Variants in COL23A1 observed in about 807,000 individuals in gnomAD.
The protein encoded by COL23A1 is collagen alpha-1(XXIII) chain.
A neutral mutation model predicts 99.3 loss-of-function variants in COL23A1; 97 were observed. The ratio of observed to expected loss-of-function variants is 0.98; its 90% CI spans 0.83 to 1.16. The LOEUF is 1.16. Among genes scored for constraint, COL23A1 ranks in the 50% most tolerant of loss-of-function variants. COL23A1 has a pLI of 0.00. For missense variants in COL23A1, 762 were observed against 757.4 expected (o/e 1.01, Z -0.07); for synonymous variants, 320 against 308.2 (o/e 1.04, Z -0.40).
chr5:178,466,439 T>G (rs1756426844), intron 2 of COL23A1, among the ~76,000 whole-genome samples: 1 of 152,240 alleles, frequency 6.6e-6, no homozygotes, highest in Admixed American at 6.5e-5. Flanking sequence ...TAAGGCTTCC[T>G]AAGCTGGAAG....
At position 178,559,602 on chromosome 5, in the gene COL23A1, G is replaced by A. The variant is rs1413827219; in HGVS notation, c.361+1080C>T. Among the ~76,000 whole-genome samples the A allele has an allele frequency of 1.5e-4, 19 of 124,712 alleles. 2 individuals carry two copies. Among genetic ancestry groups the A allele is most frequent in the Admixed American group, 7.8e-4 (10 of 12,822 alleles). 81.8% of individuals were successfully genotyped at this position (124,712 alleles called of 152,430 possible). A position where few individuals can be genotyped will look rare whatever the true frequency, so the allele number is the denominator to read the frequency against. The stretch of plus-strand genomic sequence containing the variant: ...CAAAAGTCACCTTTCCCTGCAGGTC[G>A]AGAAGTCTGAGACACATCACCCAAA... On this transcript the variant is annotated intron_variant, in intron 2 of 28. Transcript: ENST00000390654.
At chr5:178,348,986 A>G (rs529461567) in intron 2 of COL23A1, among the ~76,000 whole-genome samples, 1 of 152,036 alleles carries the variant, frequency 6.6e-6, no homozygotes, top group African/African-American at 2.4e-5. Flanking sequence ...AGTGGGGTGA[A>G]CACATGTGCA....
At chr5:178,259,996 T>C (rs1163354435) in intron 11 of COL23A1, among the ~76,000 whole-genome samples, 2 of 152,168 alleles carry the variant, frequency 1.3e-5, no homozygotes, top group Non-Finnish European at 2.9e-5. Context: ...ACTCCTGCCG[T>C]CTCAGAGGGT....
intron 1 of COL23A1, among the ~76,000 whole-genome samples, chr5:178,576,962 G>C (rs947130014): frequency 3.3e-5 from 5 of 151,682 alleles, no homozygotes; most frequent in Admixed American, 1.3e-4. Context: ...GCTGCGCCCC[G>C]GCCCCAGCGC....
Position 178,276,515 on chromosome 5 carries a change from G to A in COL23A1, c.442-6152C>T, listed in dbSNP as rs550698847. Reference sequence around the variant, plus strand: ...AATTACAAGGCTGGTGGGGCCTGAGGTCCCAGCCTGGGAAGTGCACATTCC... The same window carrying A: ...AATTACAAGGCTGGTGGGGCCTGAGATCCCAGCCTGGGAAGTGCACATTCC... On this transcript the variant is annotated intron_variant, in intron 5 of 28. Coordinates refer to ENST00000390654, the MANE Select transcript of COL23A1 (RefSeq NM_173465.4). Among the ~76,000 whole-genome samples the A allele has an allele frequency of 1.2e-3, 180 of 152,278 alleles. 1 individual carries two copies. The highest frequency in any genetic ancestry group is 4.1e-3 in the African/African-American group (171 of 41,552).
chr5:178,485,073 A>T (rs1757544667), intron 2 of COL23A1, among the ~76,000 whole-genome samples: 1 of 152,240 alleles, frequency 6.6e-6, no homozygotes, highest in African/African-American at 2.4e-5. Flanking sequence ...TGAAATGTGT[A>T]AAAATGTACT....
intron 2 of COL23A1, among the ~76,000 whole-genome samples, chr5:178,332,254 G>A (rs1760072449): frequency 6.6e-6 from 1 of 152,152 alleles, no homozygotes; most frequent in Non-Finnish European, 1.5e-5. Context: ...CCACCTTCCA[G>A]CACTCACTGC....
intron 2 of COL23A1, among the ~76,000 whole-genome samples, chr5:178,444,907 G>A (rs768975081): frequency 1.3e-4 from 20 of 152,130 alleles, no homozygotes; most frequent in Non-Finnish European, 2.6e-4. Context: ...TAATACAGTA[G>A]CTTACCTCAT....
chr5:178,356,894 C>G (rs567924761), intron 2 of COL23A1, among the ~76,000 whole-genome samples: 2 of 152,144 alleles, frequency 1.3e-5, no homozygotes, highest in South Asian at 2.1e-4. Flanking sequence ...CTGAGCCTCT[C>G]CAACCCAGCA....
chr5:178,562,564 G>GAAAAAAAA (rs746935339), intron 1 of COL23A1: 2 of 115,660 alleles, frequency 1.7e-5, no homozygotes. Flanking sequence ...AATAAAAAAA[G>GAAAAAAAA]AAAAAAAAAA....
At chr5:178,413,139 T>C (rs750678265) in intron 2 of COL23A1, among the ~76,000 whole-genome samples, 1 of 152,096 alleles carries the variant, frequency 6.6e-6, no homozygotes, top group African/African-American at 2.4e-5. Context: ...GCTATGACTG[T>C]CATAGCATTC....
intron 3 of COL23A1, among the ~76,000 whole-genome samples, chr5:178,302,260 G>A (rs1477852998): frequency 2.9e-5 from 4 of 140,162 alleles, no homozygotes; most frequent in African/African-American, 1.1e-4. Context: ...TGTGTGCGCC[G>A]GAGCACGGCT....
intron 2 of COL23A1, among the ~76,000 whole-genome samples, chr5:178,402,667 A>ATTG: frequency 6.6e-6 from 1 of 151,952 alleles, no homozygotes; most frequent in Non-Finnish European, 1.5e-5. Context: ...CAGGAGGATC[A>ATTG]CTTGAACCCA....
rs918847689 is a variant in COL23A1, at chr5:178,281,815, C to T, written c.441+6509G>A. Among the ~76,000 whole-genome samples the T allele has an allele frequency of 6.6e-6, 1 of 151,778 alleles. No homozygotes were observed. Among genetic ancestry groups the T allele is most frequent in the Non-Finnish European group, 1.5e-5 (1 of 67,976 alleles). ...CTGTAATCCTAGCACTTTGGGAGGC[C>T]GAGGTGGTCAGATTGCCTGAGCTCA... is the stretch of plus-strand genomic sequence containing the variant. On this transcript the variant is annotated intron_variant, in intron 5 of 28. Transcript: ENST00000390654. The surrounding 1 kb of genome is among the most constrained non-coding windows in gnomAD (Gnocchi z 4.0).
intron 2 of COL23A1, among the ~76,000 whole-genome samples, chr5:178,518,476 G>A (rs1326957227): frequency 4.0e-5 from 6 of 149,832 alleles, no homozygotes; most frequent in African/African-American, 1.5e-4. Context: ...GGGGCGGCCG[G>A]GCAGAGGCGC....
At chr5:178,522,895 G>A (rs1008582971) in intron 2 of COL23A1, among the ~76,000 whole-genome samples, 2 of 151,950 alleles carry the variant, frequency 1.3e-5, no homozygotes, top group Non-Finnish European at 2.9e-5. Flanking sequence ...CCCCAAGCGT[G>A]GCTTTATGGT....
At chr5:178,441,347 A>C (rs1766855142) in intron 2 of COL23A1, among the ~76,000 whole-genome samples, 1 of 152,226 alleles carries the variant, frequency 6.6e-6, no homozygotes, top group African/African-American at 2.4e-5. Context: ...TTTTAGAGTG[A>C]AGATATATAG....
At chr5:178,548,359 T>C (rs758166220) in intron 2 of COL23A1, among the ~76,000 whole-genome samples, 1 of 151,882 alleles carries the variant, frequency 6.6e-6, no homozygotes, top group South Asian at 2.1e-4. Context: ...CTCAACAAAC[T>C]CTTAATCGTC....
intron 2 of COL23A1, among the ~76,000 whole-genome samples, chr5:178,363,696 C>T (rs1762300216): frequency 2.0e-5 from 3 of 152,178 alleles, no homozygotes; most frequent in Admixed American, 2.0e-4. Context: ...CTTCACCTCC[C>T]CACCGGCTGT....
Sources: gnomAD v4.1 joint callset for allele counts (sites outside exome capture counted in the v4.1 genomes callset) on GRCh38, gnomAD v4.1.1 for gene constraint, Gnocchi (gnomAD v3.1) non-coding constraint, MANE v1.5 for transcripts, NCBI Gene and HGNC (gene_info 2026-07-23, HGNC 2026-07-21) for gene names.